Variants in CASKIN2 observed in about 807,000 individuals in gnomAD.
The protein encoded by CASKIN2 is caskin-2.
Under a neutral mutation model 107.1 loss-of-function variants are expected in CASKIN2, and 41 were observed. The ratio of observed to expected loss-of-function variants is 0.38; its 90% CI spans 0.30 to 0.50. The LOEUF is 0.50. Ranked by LOEUF, CASKIN2 falls within the 20% of genes least tolerant of loss-of-function variation. CASKIN2 has a pLI of 0.92. For missense variants in CASKIN2, 1,546 were observed against 1,657.4 expected, an observed-to-expected ratio of 0.93 and a Z score of 1.17; for synonymous variants, 724 against 705.6, an observed-to-expected ratio of 1.03 and a Z score of -0.41.
rs2053263605 is a variant in CASKIN2, at chr17:75,506,219, C to G, written c.726+86G>C. ...GCCCATGCAAAAACCACGCTGGAGT[C>G]CTCCGTCCCGTACCTCCCCAGCCAG... On this transcript the variant is annotated intron_variant, in intron 8 of 19. Coordinates refer to ENST00000321617, the MANE Select transcript of CASKIN2 (RefSeq NM_020753.5). This position sits in a 1 kb window ranked among gnomAD's most constrained non-coding sequence, Gnocchi z 4.8. 1 of 1,201,236 alleles carries G rather than the reference C, an allele frequency of 8.3e-7. No homozygotes were observed. Among genetic ancestry groups the G allele is most frequent in the Non-Finnish European group, 1.2e-6 (1 of 836,054 alleles). 74.4% of individuals were successfully genotyped at this position (1,201,236 alleles called of 1,614,324 possible). A position where few individuals can be genotyped will look rare whatever the true frequency, so the allele number is the denominator to read the frequency against.
In CASKIN2 at chr17:75,500,995, C is replaced by T; in HGVS notation, c.*85G>A. ...CACTTCAGCCTGACCAGCCCTTGGCCCGTCCCTAGGGTGGCAGGGGCCTCT... is the reference window on the plus strand; with the variant it reads ...CACTTCAGCCTGACCAGCCCTTGGCTCGTCCCTAGGGTGGCAGGGGCCTCT... On this transcript the variant is annotated 3_prime_UTR_variant, in exon 20 of 20. Transcript: ENST00000321617. The T allele has an allele frequency of 7.5e-7, 1 of 1,339,144 alleles. No homozygotes were observed. The highest frequency in any genetic ancestry group is 1.3e-5 in the South Asian group (1 of 79,220). The allele number at this position is 1,339,144 out of a possible 1,614,324, so 83.0% of individuals were successfully genotyped here.
chr17:75,502,440 G>A lies in CASKIN2; in HGVS notation c.2634C>T (p.Ser878=), dbSNP rs758571388. ...PPPPPPKRLS[S]VSGPSPEPPP... ...GTGGCTCCGGGCTGGGGCCAGAGAC[G>A]GAGCTGAGGCGCTTGGGGGGCGGGG... Residue 878 remains serine (S), a synonymous_variant, in exon 18 of 20, where the codon TCC becomes TCT. Transcript: ENST00000321617. The surrounding 1 kb of genome is among the most constrained non-coding windows in gnomAD (Gnocchi z 4.3). The A allele has an allele frequency of 3.2e-5, 46 of 1,440,926 alleles. No individual in the cohort carries two copies. In the East Asian group the frequency reaches 5.0e-4, roughly 16 times the overall value. The allele number at this position is 1,440,926 out of a possible 1,614,324, so 89.3% of individuals were successfully genotyped here. A position where few individuals can be genotyped will look rare whatever the true frequency, so the allele number is the denominator to read the frequency against.
In CASKIN2 at chr17:75,501,824, C is replaced by G; in HGVS notation, c.3250G>C (p.Glu1084Gln). Residue 1084 changes from glutamate (E) to glutamine (Q), a missense_variant, in exon 18 of 20, where the codon GAA becomes CAA. Coordinates refer to ENST00000321617, the MANE Select transcript of CASKIN2 (RefSeq NM_020753.5). ...AGGGCAGCAGGGGCGGCCGGGGGTT[C>G]TGTCTCCCCATTCCACCGACTAGCT... ...SAASRWNGET[E>Q]PPAAPAALLK... The G allele has an allele frequency of 6.4e-7, 1 of 1,552,302 alleles. No individual in the cohort carries two copies. Among genetic ancestry groups the G allele is most frequent in the South Asian group, 1.3e-5 (1 of 79,904 alleles).
rs2053174961 is a variant in CASKIN2, at chr17:75,501,134, G to A, written c.3555C>T (p.Asp1185=). 2 of 1,594,030 alleles carry A rather than the reference G, an allele frequency of 1.3e-6. No homozygotes were observed. The highest frequency in any genetic ancestry group is 1.7e-6 in the Non-Finnish European group (2 of 1,170,310). The part of the protein sequence containing the change: ...PSASTKHILD[D]ISTMFDALAD... ...CCAGGGCGTCGAACATGGTGCTGATGTCATCCAGAATGTGCTTGGTGGAGG... is the reference window on the plus strand; with the variant it reads ...CCAGGGCGTCGAACATGGTGCTGATATCATCCAGAATGTGCTTGGTGGAGG... Residue 1185 remains aspartate (D), a synonymous_variant, in exon 20 of 20, where the codon GAC becomes GAT. Transcript: ENST00000321617.
Position 75,502,818 on chromosome 17 carries a change from TG to T in CASKIN2, c.2255del (p.Pro752HisfsTer50). 6.5e-7 allele frequency: 1 copy of T among 1,539,754 alleles called. No homozygotes were observed. The highest frequency in any genetic ancestry group is 8.7e-7 in the Non-Finnish European group (1 of 1,143,682). ...LCSSLPGQGPPPYVFMYPQGS... is the reference protein window; with the variant it reads ...LCSSLPGQGPXPYVFMYPQGS... ...CCTGGGGGTACATAAAAACATAGGG[TG>T]GGGGTCCTTGGCCAGGAAGTGAAGA... On this transcript the variant is annotated frameshift_variant, in exon 18 of 20. Coordinates refer to ENST00000321617, the MANE Select transcript of CASKIN2 (RefSeq NM_020753.5). LOFTEE classifies it high-confidence loss of function. The surrounding 1 kb of genome is among the most constrained non-coding windows in gnomAD (Gnocchi z 4.3).
At position 75,505,574 on chromosome 17, in the gene CASKIN2, C is replaced by T; in HGVS notation, c.913G>A (p.Ala305Thr). The T allele has an allele frequency of 6.2e-7, 1 of 1,613,560 alleles. No homozygotes were observed. The highest frequency in any genetic ancestry group is 1.1e-5 in the South Asian group (1 of 91,082). Residue 305 changes from alanine (A) to threonine (T), a missense_variant, in exon 10 of 20, where the codon GCA (alanine) becomes ACA (threonine). Coordinates refer to ENST00000321617, the MANE Select transcript of CASKIN2 (RefSeq NM_020753.5). This position sits in a 1 kb window ranked among gnomAD's most constrained non-coding sequence, Gnocchi z 5.1. ...LHDPTALNVR[A>T]GDVITVLEQH... ...TCCCTCACCGTGATGACATCCCCTGCCCGGACATTGAGAGCAGTGGGATCG... is the reference window on the plus strand; with the variant it reads ...TCCCTCACCGTGATGACATCCCCTGTCCGGACATTGAGAGCAGTGGGATCG...
Position 75,506,077 on chromosome 17 carries a change from C to T in CASKIN2, c.727-148G>A, listed in dbSNP as rs997417269. ...GCTCAGGGACTCAGTCAAGGACAAG[C>T]TCAAGTTCACTCAGCTAGTAAGAGG... is the stretch of plus-strand genomic sequence containing the variant. On this transcript the variant is annotated intron_variant, in intron 8 of 19. Transcript: ENST00000321617. This position sits in a 1 kb window ranked among gnomAD's most constrained non-coding sequence, Gnocchi z 4.8. 1.7e-5 allele frequency: 13 copies of T among 769,124 alleles called. No individual in the cohort carries two copies. The highest frequency in any genetic ancestry group is 2.3e-5 in the Non-Finnish European group (11 of 477,576). 47.6% of individuals were successfully genotyped at this position (769,124 alleles called of 1,614,324 possible). A position where few individuals can be genotyped will look rare whatever the true frequency, so the allele number is the denominator to read the frequency against.
chr17:75,514,717 T>C (rs994611727), intron 1 of CASKIN2, among the ~76,000 whole-genome samples: 3 of 152,146 alleles, frequency 2.0e-5, no homozygotes, highest in African/African-American at 7.2e-5. Flanking sequence ...CTAGGACTCT[T>C]TGTGAACGGA....
Position 75,505,073 on chromosome 17 carries a change from C to G in CASKIN2, c.931G>C (p.Val311Leu), listed in dbSNP as rs2053250844. Residue 311 changes from valine to leucine, a missense_variant and splice_region_variant, in exon 11 of 20, where the codon GTG becomes CTG. By Grantham distance (32) the Val-to-Leu change is conservative. Transcript: ENST00000321617. The surrounding 1 kb of genome is among the most constrained non-coding windows in gnomAD (Gnocchi z 5.1). ...CGGCCGTCGGGATGCTGTTCTAGCA[C>G]CTGCGGCCAGGGGTGGGGGGCGGGG... ...LNVRAGDVIT[V>L]LEQHPDGRWK... is the part of the protein sequence containing the mutation. 4.3e-6 allele frequency: 7 copies of G among 1,610,128 alleles called. No individual in the cohort carries two copies. The highest frequency in any genetic ancestry group is 5.9e-6 in the Non-Finnish European group (7 of 1,179,462).
chr17:75,502,268 G>A lies in CASKIN2; in HGVS notation c.2806C>T (p.Pro936Ser), dbSNP rs1290301165. Residue 936 changes from proline to serine, a missense_variant, in exon 18 of 20, where the codon CCT (proline) becomes TCT (serine). Coordinates refer to ENST00000321617, the MANE Select transcript of CASKIN2 (RefSeq NM_020753.5). This position sits in a 1 kb window ranked among gnomAD's most constrained non-coding sequence, Gnocchi z 4.3. ...CCCCGAGATGGGGGCGTCCCCTCAG[G>A]GCCTGGCTCCTCCTCCTCCGTGTCT... is the stretch of plus-strand genomic sequence containing the variant. Reference protein sequence around the residue: ...ASDTEEEEPGPEGTPPSRGSS... With the variant: ...ASDTEEEEPGSEGTPPSRGSS... The A allele has an allele frequency of 2.6e-6, 4 of 1,532,374 alleles. No homozygotes were observed. The African/African-American group carries it at 5.4e-5, about 21-fold the overall frequency. The allele number at this position is 1,532,374 out of a possible 1,614,324, so 94.9% of individuals were successfully genotyped here. A position where few individuals can be genotyped will look rare whatever the true frequency, so the allele number is the denominator to read the frequency against.
chr17:75,505,481 G>T lies in CASKIN2; in HGVS notation c.930+76C>A. On this transcript the variant is annotated intron_variant, in intron 10 of 19. Transcript: ENST00000321617. The surrounding 1 kb of genome is among the most constrained non-coding windows in gnomAD (Gnocchi z 5.1). ...TATAGAGACCTCAGAGCAGAACGTG[G>T]TAACATAGCAGGTGCCCAAATAAGT... is the stretch of plus-strand genomic sequence containing the variant. 7.2e-7 allele frequency: 1 copy of T among 1,380,498 alleles called. No individual in the cohort carries two copies. Among genetic ancestry groups the T allele is most frequent in the Non-Finnish European group, 1.0e-6 (1 of 968,836 alleles). 85.5% of individuals were successfully genotyped at this position (1,380,498 alleles called of 1,614,324 possible).
rs1003594074 is a variant in CASKIN2, at chr17:75,502,703, G to A, written c.2371C>T (p.Pro791Ser). Residue 791 changes from proline (P) to serine (S), a missense_variant, in exon 18 of 20, where the codon CCG becomes TCG. By Grantham distance (74) the Pro-to-Ser change is moderately conservative. Around this residue, in one of 6 missense-constraint regions of CASKIN2, gnomAD observed 1,311 missense variants for 1,311.0 expected, o/e 1.00. Coordinates refer to ENST00000321617, the MANE Select transcript of CASKIN2 (RefSeq NM_020753.5). The surrounding 1 kb of genome is among the most constrained non-coding windows in gnomAD (Gnocchi z 4.3). ...TGGGACCGGCGCTTAGGTCGAGGCG[G>A]GTCTGGGGGAGTGGCAGGGGGCCCG... ...LAGPPATPPDPPRPKRRSHSL... is the reference protein window; with the variant it reads ...LAGPPATPPDSPRPKRRSHSL... 1 of 1,591,188 alleles carries A rather than the reference G, an allele frequency of 6.3e-7. No homozygotes were observed. The highest frequency in any genetic ancestry group is 8.6e-7 in the Non-Finnish European group (1 of 1,166,934).
chr17:75,507,203 G>A (rs2053275183), intron 4 of CASKIN2, 74 bp from the exon 5 acceptor site: 10 of 1,493,584 alleles, frequency 6.7e-6, no homozygotes, highest in East Asian at 2.4e-5. Flanking sequence ...AGCAGAGTAC[G>A]GAGCCAGCCC....
chr17:75,512,057 G>A (rs1306279940), intron 2 of CASKIN2, among the ~76,000 whole-genome samples: 1 of 152,218 alleles, frequency 6.6e-6, no homozygotes, highest in Non-Finnish European at 1.5e-5. Context: ...TAGGCACAGA[G>A]ACCACCCCAC....
chr17:75,501,929 C>T lies in CASKIN2; in HGVS notation c.3145G>A (p.Val1049Ile), dbSNP rs2053195896. 6.3e-7 allele frequency: 1 copy of T among 1,590,206 alleles called. No individual in the cohort carries two copies. Among genetic ancestry groups the T allele is most frequent in the African/African-American group, 1.3e-5 (1 of 74,520 alleles). The change falls in exon 18 of 20, where the codon GTT becomes ATT. Residue 1049 changes from valine (V) to isoleucine (I), a missense_variant. Physicochemically the swap from Val to Ile is conservative, Grantham distance 29. This residue lies in a region of CASKIN2 where 1,311 missense variants were observed against 1,311.0 expected (regional missense o/e 1.00). Transcript: ENST00000321617. ...PEPSSLPAQG[V>I]PTPLAPSPAM... ...GGGCTGGGAGCAAGGGGGGTTGGAA[C>T]TCCTTGGGCTGGAAGGCTGCTGGGC... is the stretch of plus-strand genomic sequence containing the variant.
Position 75,506,213 on chromosome 17 carries a change from T to C in CASKIN2, c.726+92A>G. 1 of 1,137,024 alleles carries C rather than the reference T, an allele frequency of 8.8e-7. No homozygotes were observed. The highest frequency in any genetic ancestry group is 1.5e-5 in the African/African-American group (1 of 65,204). 70.4% of individuals were successfully genotyped at this position (1,137,024 alleles called of 1,614,324 possible). A position where few individuals can be genotyped will look rare whatever the true frequency, so the allele number is the denominator to read the frequency against. On this transcript the variant is annotated intron_variant, in intron 8 of 19. Coordinates refer to ENST00000321617, the MANE Select transcript of CASKIN2 (RefSeq NM_020753.5). This position sits in a 1 kb window ranked among gnomAD's most constrained non-coding sequence, Gnocchi z 4.8. ...CCTGACGCCCATGCAAAAACCACGC[T>C]GGAGTCCTCCGTCCCGTACCTCCCC...
chr17:75,508,405 G>T, intron 2 of CASKIN2, 120 bp from the exon 3 acceptor site: 1 of 1,084,388 alleles, frequency 9.2e-7, no homozygotes, highest in Non-Finnish European at 1.4e-6. Flanking sequence ...CTGCCCCATG[G>T]CCTTCCGCCT....
At position 75,506,807 on chromosome 17, in the gene CASKIN2, G is replaced by A. The variant is rs1324885213; in HGVS notation, c.478C>T (p.Arg160Ter). 3 of 1,613,734 alleles carry A rather than the reference G, an allele frequency of 1.9e-6. No homozygotes were observed. Among genetic ancestry groups the A allele is most frequent in the Non-Finnish European group, 1.7e-6 (2 of 1,179,962 alleles). The change falls in exon 6 of 20, where the codon CGA (arginine) becomes TGA (stop). Residue 160 changes from arginine (R) to a stop codon, truncating the protein, a stop_gained. Coordinates refer to ENST00000321617, the MANE Select transcript of CASKIN2 (RefSeq NM_020753.5). LOFTEE classifies it high-confidence loss of function. This position sits in a 1 kb window ranked among gnomAD's most constrained non-coding sequence, Gnocchi z 4.8. ...AAGGCTGCAGGCCTCACCTTGAGTC[G>A]GCCAAATTCACAGGCCAGGTCCAGG... ...TPLDLACEFG[R>*]LKVAQLLLNS...
chr17:75,503,483 G>A lies in CASKIN2; in HGVS notation c.1725C>T (p.Tyr575=), dbSNP rs2053227089. The A allele has an allele frequency of 6.2e-6, 10 of 1,612,444 alleles. No individual in the cohort carries two copies. The highest frequency in any genetic ancestry group is 1.3e-5 in the African/African-American group (1 of 75,028). Residue 575 remains tyrosine (Y), a synonymous_variant, in exon 17 of 20, where the codon TAC becomes TAT. Transcript: ENST00000321617. ...AGCCGCTGCTCACCAGCTGCTTGTG[G>A]TACTGTGGCAGCCCCAGTGCACACA... ...EWLCALGLPQ[Y]HKQLVSSGYD...
Sources: allele counts gnomAD v4.1 joint callset (sites outside exome capture counted in the v4.1 genomes callset), GRCh38; gene constraint gnomAD v4.1.1; regional missense constraint gnomAD v4.1.1; non-coding constraint Gnocchi (gnomAD v3.1); transcripts MANE v1.5; gene names NCBI Gene and HGNC (gene_info 2026-07-23, HGNC 2026-07-21).